Variants in BRINP3 observed in about 807,000 individuals in gnomAD.
BRINP3 encodes the protein BMP/retinoic acid inducible neural specific 3, also known as BMP/retinoic acid-inducible neural-specific protein 3.
In BRINP3, 19 loss-of-function variants were observed where a neutral mutation model predicts 71.0. The ratio of observed to expected loss-of-function variants is 0.27; its 90% CI spans 0.19 to 0.39. BRINP3 has a LOEUF of 0.39. Ranked by LOEUF, BRINP3 falls within the 10% of genes least tolerant of loss-of-function variation. The probability of loss-of-function intolerance (pLI) is 1.00; values close to 1 mark genes in which losing one functional copy is unlikely to be tolerated. For synonymous variants in BRINP3, 380 were observed against 337.7 expected, an observed-to-expected ratio of 1.13 and a Z score of -1.37; for missense variants, 959 against 940.8, an observed-to-expected ratio of 1.02 and a Z score of -0.25.
At chr1:190,349,422 G>T (rs568622017) in intron 2 of BRINP3, among the ~76,000 whole-genome samples, 5 of 152,090 alleles carry the variant, frequency 3.3e-5, no homozygotes, top group African/African-American at 9.6e-5. Flanking sequence ...AGTATCTTGA[G>T]GTGAATGAAT....
At chr1:190,163,969 T>G (rs1440523967) in intron 6 of BRINP3, among the ~76,000 whole-genome samples, 1 of 152,134 alleles carries the variant, frequency 6.6e-6, no homozygotes, top group Non-Finnish European at 1.5e-5. Flanking sequence ...CATAACTCTG[T>G]TAGCAAAAAG....
At chr1:190,115,653 C>T (rs1653069067) in intron 7 of BRINP3, among the ~76,000 whole-genome samples, 1 of 152,088 alleles carries the variant, frequency 6.6e-6, no homozygotes, top group Non-Finnish European at 1.5e-5. Flanking sequence ...CGACTCTCTG[C>T]CTCACCAACC....
intron 2 of BRINP3, among the ~76,000 whole-genome samples, chr1:190,344,250 T>G: frequency 6.6e-6 from 1 of 151,850 alleles, no homozygotes; most frequent in East Asian, 1.9e-4. Context: ...TTAACATACA[T>G]TAATTTCATT....
intron 4 of BRINP3, among the ~76,000 whole-genome samples, chr1:190,237,386 AAAT>A (rs1354752174): frequency 1.3e-5 from 2 of 151,604 alleles, no homozygotes; most frequent in Non-Finnish European, 3.0e-5. Context: ...TAATTCTTTA[AAAT>A]AATAATAAAA....
intron 6 of BRINP3, among the ~76,000 whole-genome samples, chr1:190,208,497 T>C (rs964599080): frequency 4.6e-5 from 7 of 152,034 alleles, no homozygotes; most frequent in African/African-American, 1.4e-4. Flanking sequence ...TGTTTATTTA[T>C]TTATTTATTT....
chr1:190,145,410 G>A (rs1297217984), intron 7 of BRINP3, among the ~76,000 whole-genome samples: 2 of 152,110 alleles, frequency 1.3e-5, no homozygotes, highest in Admixed American at 6.5e-5. Context: ...AGAATTCACT[G>A]TGTTCTCATA....
chr1:190,353,441 G>A (rs1001772020), intron 2 of BRINP3, among the ~76,000 whole-genome samples: 1 of 151,998 alleles, frequency 6.6e-6, no homozygotes, highest in Admixed American at 6.6e-5. Context: ...CACATTAAAT[G>A]ATACAATTTG....
intron 7 of BRINP3, among the ~76,000 whole-genome samples, chr1:190,157,633 A>G (rs1656984748): frequency 6.6e-6 from 1 of 152,126 alleles, no homozygotes; most frequent in Non-Finnish European, 1.5e-5. Flanking sequence ...CTACATATAT[A>G]AAGCATAAGG....
intron 4 of BRINP3, among the ~76,000 whole-genome samples, chr1:190,235,080 C>T (rs2102742356): frequency 6.6e-6 from 1 of 151,814 alleles, no homozygotes; most frequent in Admixed American, 6.6e-5. Flanking sequence ...GGATTAGAAA[C>T]TTCTCCTTTC....
In BRINP3 at chr1:190,357,367, G is replaced by C. The variant is rs116486091; in HGVS notation, c.237-75617C>G. 6.4e-4 allele frequency among the ~76,000 whole-genome samples: 98 copies of C among 152,080 alleles called. 1 individual carries two copies. Among genetic ancestry groups the C allele is most frequent in the African/African-American group, 2.0e-3 (83 of 41,476 alleles). On this transcript the variant is annotated intron_variant, in intron 2 of 7. Transcript: ENST00000367462. ...AATTTCCAGAGGAACTTCGATTATA[G>C]TATTGCTTCACTACTAATTTCATTT... is the stretch of plus-strand genomic sequence containing the variant.
intron 6 of BRINP3, among the ~76,000 whole-genome samples, chr1:190,193,156 A>G (rs966993459): frequency 1.3e-5 from 2 of 152,076 alleles, no homozygotes; most frequent in Non-Finnish European, 2.9e-5. Flanking sequence ...ATGGTTTATG[A>G]GTGGCACTGA....
intron 2 of BRINP3, among the ~76,000 whole-genome samples, chr1:190,370,082 CA>C (rs1370192914): frequency 6.6e-6 from 1 of 152,050 alleles, no homozygotes; most frequent in Non-Finnish European, 1.5e-5. Flanking sequence ...GAAGTACAAA[CA>C]AAGAAAGGAA....
intron 2 of BRINP3, among the ~76,000 whole-genome samples, chr1:190,361,335 T>C (rs916408680): frequency 1.3e-5 from 2 of 151,768 alleles, no homozygotes; most frequent in Non-Finnish European, 2.9e-5. Flanking sequence ...ATGGTGTAGA[T>C]CATATAAGAA....
Position 190,469,169 on chromosome 1 carries a change from C to A in BRINP3, c.-51+8279G>T, listed in dbSNP as rs904147841. Reference sequence around the variant, plus strand: ...AAATTACACTTTCTAGTTGTTGGTACTAATCATTGATAATTCATTTTCTTC... The same window carrying A: ...AAATTACACTTTCTAGTTGTTGGTAATAATCATTGATAATTCATTTTCTTC... On this transcript the variant is annotated intron_variant, in intron 1 of 7. Transcript: ENST00000367462. Among the ~76,000 whole-genome samples the A allele has an allele frequency of 5.3e-5, 8 of 150,978 alleles. No individual in the cohort carries two copies. In the East Asian group the frequency reaches 1.2e-3, roughly 22 times the overall value.
chr1:190,172,241 C>A (rs1208996105), intron 6 of BRINP3, among the ~76,000 whole-genome samples: 1 of 150,100 alleles, frequency 6.7e-6, no homozygotes. Context: ...AAATGCCTAA[C>A]TCCTTATATA....
intron 6 of BRINP3, among the ~76,000 whole-genome samples, chr1:190,168,764 A>T (rs2102488793): frequency 6.6e-6 from 1 of 152,252 alleles, no homozygotes; most frequent in Non-Finnish European, 1.5e-5. Flanking sequence ...TCTCCAATTA[A>T]CTCAAAATGT....
rs746823901 is a variant in BRINP3 at position 190,382,273 on chromosome 1, T to A, written c.236+72382A>T. Among the ~76,000 whole-genome samples, 26 of 152,118 alleles carry A rather than the reference T, an allele frequency of 1.7e-4. 1 individual carries two copies. Among genetic ancestry groups the A allele is most frequent in the Non-Finnish European group, 3.2e-4 (22 of 68,008 alleles). On this transcript the variant is annotated intron_variant, in intron 2 of 7. Coordinates refer to ENST00000367462, the MANE Select transcript of BRINP3 (RefSeq NM_199051.3). ...TCAACTTTTCCTAATTACTTCACAC[T>A]TAGAAATCCTGTCACATCCTTCTTT...
intron 2 of BRINP3, among the ~76,000 whole-genome samples, chr1:190,437,251 TA>T (rs556880751): frequency 7.1e-4 from 108 of 151,954 alleles, no homozygotes; most frequent in Non-Finnish European, 9.7e-4. Flanking sequence ...ACAATTTATT[TA>T]ACTTTTTGGG....
rs985584088 is a variant in BRINP3 at position 190,269,324 on chromosome 1, C to T, written c.428-4269G>A. Among the ~76,000 whole-genome samples, 18 of 152,078 alleles carry T rather than the reference C, an allele frequency of 1.2e-4. No homozygotes were observed. The East Asian group carries it at 2.3e-3, about 20-fold the overall frequency. Reference sequence around the variant, plus strand: ...ACATGATTATTTAATGAAATGAAACCATTTGAGTACTAGAGGAAAGTTCAT... The same window carrying T: ...ACATGATTATTTAATGAAATGAAACTATTTGAGTACTAGAGGAAAGTTCAT... On this transcript the variant is annotated intron_variant, in intron 3 of 7. Transcript: ENST00000367462.
Sources: allele counts gnomAD v4.1 joint callset (sites outside exome capture counted in the v4.1 genomes callset), GRCh38; gene constraint gnomAD v4.1.1; transcripts MANE v1.5; gene names NCBI Gene and HGNC (gene_info 2026-07-23, HGNC 2026-07-21).